Variants in FGF1 observed in about 807,000 individuals in gnomAD.
The protein encoded by FGF1 is beta-endothelial cell growth factor.
A neutral mutation model predicts 13.4 loss-of-function variants in FGF1; 9 were observed. The ratio of observed to expected loss-of-function variants is 0.67; its 90% CI spans 0.40 to 1.17. The LOEUF is 1.17. Ranked by LOEUF, FGF1 falls within the 50% of genes most tolerant of loss-of-function variation. The pLI, the probability that FGF1 is intolerant of heterozygous loss-of-function variation, is 0.01. For missense variants in FGF1, 156 were observed against 192.7 expected (o/e 0.81, Z 1.13); for synonymous variants, 93 against 79.0 (o/e 1.18, Z -0.94).
chr5:142,694,279 G>A (rs1480143535), intron 2 of FGF1, among the ~76,000 whole-genome samples: 1 of 150,506 alleles, frequency 6.6e-6, no homozygotes, highest in Admixed American at 6.6e-5. Flanking sequence ...CAAAGGTCAC[G>A]ACTCACTCTC....
At chr5:142,601,163 C>A (rs367689454) in intron 2 of FGF1, 4 of 506,246 alleles carry the variant, frequency 7.9e-6, no homozygotes, top group South Asian at 4.4e-5. Context: ...CTCACTCCCC[C>A]GGGCTCCCTC....
At position 142,592,791 on chromosome 5, in the gene FGF1, GT is replaced by G. The variant is rs1596992740; in HGVS notation, c.*2498del. ...CATGTCCTCTGACATTTTGATAGGGGTTTATTTTATGCTGGGGTTGCTGATT... is the reference window on the plus strand; with the variant it reads ...CATGTCCTCTGACATTTTGATAGGGGTTATTTTATGCTGGGGTTGCTGATT... On this transcript the variant is annotated 3_prime_UTR_variant, in exon 4 of 4. Coordinates refer to ENST00000337706, the MANE Select transcript of FGF1 (RefSeq NM_000800.5). 3.5e-5 allele frequency: 6 copies of G among 172,102 alleles called. No individual in the cohort carries two copies. The East Asian group carries it at 7.2e-4, about 21-fold the overall frequency. The allele number at this position is 172,102 out of a possible 1,614,324, so 10.7% of individuals were successfully genotyped here.
At chr5:142,666,585 G>C (rs1770417119) in intron 1 of FGF1, among the ~76,000 whole-genome samples, 2 of 152,164 alleles carry the variant, frequency 1.3e-5, no homozygotes, top group African/African-American at 4.8e-5. Flanking sequence ...GGAGGACAAA[G>C]TGGCATATAA....
At chr5:142,604,504 A>T (rs1757237520) in intron 2 of FGF1, among the ~76,000 whole-genome samples, 1 of 152,080 alleles carries the variant, frequency 6.6e-6, no homozygotes, top group South Asian at 2.1e-4. Context: ...GCATGAACTC[A>T]AGTTCTGCTT....
At chr5:142,641,028 CA>C (rs1381303944) in intron 1 of FGF1, among the ~76,000 whole-genome samples, 2 of 151,996 alleles carry the variant, frequency 1.3e-5, no homozygotes, top group African/African-American at 4.8e-5. Flanking sequence ...ATACATATTA[CA>C]AAAGGAGAAG....
intron 1 of FGF1, among the ~76,000 whole-genome samples, chr5:142,630,675 C>G (rs1322669344): frequency 6.6e-6 from 1 of 152,156 alleles, no homozygotes; most frequent in Non-Finnish European, 1.5e-5. Flanking sequence ...CTATGATCTC[C>G]TCCATATGGC....
At chr5:142,611,173 A>G (rs1758964593) in intron 2 of FGF1, among the ~76,000 whole-genome samples, 1 of 152,310 alleles carries the variant, frequency 6.6e-6, no homozygotes, top group Non-Finnish European at 1.5e-5. Flanking sequence ...CATCCGTCTC[A>G]TGCCTGGCCG....
At chr5:142,600,265 G>C (rs369420152) in intron 3 of FGF1, among the ~76,000 whole-genome samples, 4 of 152,294 alleles carry the variant, frequency 2.6e-5, no homozygotes, top group East Asian at 1.9e-4. Context: ...AGGGGGCTGA[G>C]GGGGGAGGAT....
chr5:142,666,678 C>T (rs1024812719), intron 1 of FGF1, among the ~76,000 whole-genome samples: 3 of 152,206 alleles, frequency 2.0e-5, no homozygotes, highest in African/African-American at 7.2e-5. Flanking sequence ...CAGTTCACGC[C>T]TACAATCCCA....
chr5:142,597,680 C>T (rs1432867582), intron 3 of FGF1, among the ~76,000 whole-genome samples: 5 of 152,218 alleles, frequency 3.3e-5, no homozygotes, highest in Non-Finnish European at 7.3e-5. Context: ...TGCAGTCTCT[C>T]TTCACCCACA....
intron 1 of FGF1, among the ~76,000 whole-genome samples, chr5:142,631,246 A>G (rs539648964): frequency 6.6e-6 from 1 of 152,344 alleles, no homozygotes; most frequent in East Asian, 1.9e-4. Context: ...AAATATAGAG[A>G]TAATTATTGA....
intron 2 of FGF1, among the ~76,000 whole-genome samples, chr5:142,695,594 A>AAT: frequency 6.6e-6 from 1 of 151,752 alleles, no homozygotes; most frequent in South Asian, 2.1e-4. Context: ...AAAGAAAAAA[A>AAT]AAAAAAGAAA....
chr5:142,648,723 T>G (rs545432685), intron 1 of FGF1, among the ~76,000 whole-genome samples: 24 of 140,954 alleles, frequency 1.7e-4, no homozygotes, highest in African/African-American at 5.6e-4. Context: ...AGAACAAGTG[T>G]CTTGAGGAGG....
intron 1 of FGF1, among the ~76,000 whole-genome samples, chr5:142,617,485 G>A (rs1255435997): frequency 6.6e-6 from 1 of 152,118 alleles, no homozygotes; most frequent in Non-Finnish European, 1.5e-5. Context: ...AGCCCAGCAG[G>A]TCCTCAGGGG....
chr5:142,600,096 C>T (rs535198350), intron 3 of FGF1, among the ~76,000 whole-genome samples: 1 of 152,298 alleles, frequency 6.6e-6, no homozygotes, highest in African/African-American at 2.4e-5. Flanking sequence ...CATTTTTGGG[C>T]TGTGTGTGGT....
At chr5:142,612,323 C>CT (rs994978583) in intron 2 of FGF1, among the ~76,000 whole-genome samples, 1 of 152,134 alleles carries the variant, frequency 6.6e-6, no homozygotes, top group African/African-American at 2.4e-5. Context: ...GTATTGGAGC[C>CT]TTTTTTTACT....
At chr5:142,633,421 T>A (rs539909984) in intron 1 of FGF1, among the ~76,000 whole-genome samples, 3 of 152,364 alleles carry the variant, frequency 2.0e-5, no homozygotes, top group Admixed American at 2.0e-4. Flanking sequence ...TGTATATGTC[T>A]GCTCTTTAAG....
At chr5:142,596,149 C>T (rs1016509761) in intron 3 of FGF1, among the ~76,000 whole-genome samples, 25 of 152,174 alleles carry the variant, frequency 1.6e-4, no homozygotes, top group Admixed American at 1.3e-4. Context: ...TTATTTTTTG[C>T]TACTTATAAA....
chr5:142,616,100 T>A (rs1373017947), intron 1 of FGF1, among the ~76,000 whole-genome samples: 1 of 152,186 alleles, frequency 6.6e-6, no homozygotes, highest in Non-Finnish European at 1.5e-5. Context: ...GCACTAACCA[T>A]CCATCAGTGC....
Sources: gnomAD v4.1 joint callset for allele counts (sites outside exome capture counted in the v4.1 genomes callset) on GRCh38, gnomAD v4.1.1 for gene constraint, MANE v1.5 for transcripts, NCBI Gene and HGNC (gene_info 2026-07-23, HGNC 2026-07-21) for gene names.